Variants in HERC1 observed in about 807,000 individuals in gnomAD.
The protein encoded by HERC1 is HECT and RLD domain containing E3 ubiquitin protein ligase family member 1.
HERC1 carries 160 observed loss-of-function variants against 554.3 expected under a neutral mutation model. That is an observed-to-expected ratio of 0.29 (90% CI 0.25 to 0.33). The LOEUF (loss-of-function observed/expected upper bound fraction) is 0.33. HERC1 is among the 10% of genes least tolerant of loss of function. The probability of loss-of-function intolerance (pLI) is 1.00; values close to 1 mark genes in which losing one functional copy is unlikely to be tolerated. For synonymous variants in HERC1, 2,175 were observed against 2,131.7 expected (o/e 1.02, Z -0.56); for missense variants, 4,919 against 5,918.5 (o/e 0.83, Z 5.54).
chr15:63,626,142 G>T lies in HERC1; in HGVS notation c.13118C>A (p.Pro4373His). The change falls in exon 71 of 78, where the codon CCT (proline) becomes CAT (histidine). Residue 4373 changes from proline to histidine, a missense_variant. Pro to His is a moderately conservative substitution (Grantham distance 77). Transcript: ENST00000443617. ...VPPRAPGVSVPLQLGLPDTVP... is the reference protein window; with the variant it reads ...VPPRAPGVSVHLQLGLPDTVP... ...TGTGTCAGGCAGGCCCAGCTGCAGAGGTACTGACACACCTGTCCAGAAAGC... is the reference window on the plus strand; with the variant it reads ...TGTGTCAGGCAGGCCCAGCTGCAGATGTACTGACACACCTGTCCAGAAAGC... 1 of 1,612,866 alleles carries T rather than the reference G, an allele frequency of 6.2e-7. No homozygotes were observed. The highest frequency in any genetic ancestry group is 8.5e-7 in the Non-Finnish European group (1 of 1,179,608).
At chr15:63,742,427 C>G (rs934304720) in intron 12 of HERC1, among the ~76,000 whole-genome samples, 13 of 152,118 alleles carry the variant, frequency 8.5e-5, no homozygotes, top group Non-Finnish European at 1.6e-4. Flanking sequence ...ATCATGTCAT[C>G]CGCAAACAGA....
At chr15:63,731,193 CT>C (rs1401529655) in intron 14 of HERC1, among the ~76,000 whole-genome samples, 6 of 152,248 alleles carry the variant, frequency 3.9e-5, no homozygotes, top group African/African-American at 7.2e-5. Context: ...TTATTTCCAA[CT>C]TTTTTTCCTG....
intron 38 of HERC1, 80 bp from the exon 39 acceptor site, chr15:63,672,774 C>G: frequency 1.1e-6 from 1 of 899,566 alleles, no homozygotes; most frequent in Non-Finnish European, 1.7e-6. Flanking sequence ...AAACTTCTAC[C>G]TGTTTAATTT....
chr15:63,633,745 AC>A, intron 67 of HERC1, 102 bp downstream of exon 67: 3 of 1,242,114 alleles, frequency 2.4e-6, no homozygotes, highest in Non-Finnish European at 3.3e-6. Context: ...ATTATGAACT[AC>A]CAAAAGTACT....
At chr15:63,735,580 G>A (rs777393433) in intron 12 of HERC1, among the ~76,000 whole-genome samples, 1 of 151,932 alleles carries the variant, frequency 6.6e-6, no homozygotes, top group African/African-American at 2.4e-5. Flanking sequence ...GTAGGACCTG[G>A]CTAGACAAAG....
intron 71 of HERC1, among the ~76,000 whole-genome samples, chr15:63,625,693 C>CAAA (rs536157824): frequency 5.4e-5 from 6 of 111,832 alleles, no homozygotes; most frequent in Admixed American, 9.5e-5. Context: ...GACTCCATCT[C>CAAA]AAAAAAAAAA....
rs1420309891 is a variant in HERC1 at position 63,661,843 on chromosome 15, C to T, written c.9080G>A (p.Gly3027Glu). Residue 3027 changes from glycine (G) to glutamate (E), a missense_variant, in exon 45 of 78, where the codon GGG becomes GAG. Gly to Glu is a moderately conservative substitution (Grantham distance 98). This residue lies in a region of HERC1 where 1,963 missense variants were observed against 2,228.6 expected (regional missense o/e 0.88). Transcript: ENST00000443617. ...YVDGWFGGEC[G>E]SGNPYYLLCG... ...TAACAGGTAGTACGGATTTCCACTC[C>T]CACATTCACCGCCAAACCAGCCATC... 6.2e-7 allele frequency: 1 copy of T among 1,613,870 alleles called. No individual in the cohort carries two copies. The highest frequency in any genetic ancestry group is 8.5e-7 in the Non-Finnish European group (1 of 1,179,880).
intron 1 of HERC1, among the ~76,000 whole-genome samples, chr15:63,805,762 T>C (rs2077118393): frequency 6.6e-6 from 1 of 152,024 alleles, no homozygotes; most frequent in African/African-American, 2.4e-5. Flanking sequence ...CCCTGGGCAA[T>C]ACAGGGAGAC....
chr15:63,753,062 T>G lies in HERC1; in HGVS notation c.1798A>C (p.Asn600His), dbSNP rs1162198056. 6.2e-7 allele frequency: 1 copy of G among 1,608,774 alleles called. No homozygotes were observed. Among genetic ancestry groups the G allele is most frequent in the Non-Finnish European group, 8.5e-7 (1 of 1,177,496 alleles). The stretch of plus-strand genomic sequence containing the variant: ...ATAACTTTAGGTTTATACACTCTGT[T>G]GGTATCACCATGACCAAGTTTACCT... ...DNGKLGHGDT[N>H]RVYKPKVIEA... Residue 600 changes from asparagine (N) to histidine (H), a missense_variant, in exon 8 of 78, where the codon AAC becomes CAC. Transcript: ENST00000443617.
At chr15:63,651,157 A>C in intron 53 of HERC1, 96 bp downstream of exon 53, 1 of 1,104,858 alleles carries the variant, frequency 9.1e-7, no homozygotes, top group Middle Eastern at 2.2e-4. Flanking sequence ...TGTGAATTTC[A>C]AGGTGAAGAG....
intron 19 of HERC1, among the ~76,000 whole-genome samples, chr15:63,721,310 G>A (rs1473402716): frequency 6.6e-6 from 1 of 152,128 alleles, no homozygotes; most frequent in African/African-American, 2.4e-5. Flanking sequence ...GATCACCTGA[G>A]GTCACGAGTT....
chr15:63,637,448 A>G, intron 64 of HERC1, 57 bp downstream of exon 64: 1 of 1,452,640 alleles, frequency 6.9e-7, no homozygotes. Context: ...GGTTTGTACG[A>G]CCAAACCTAC....
intron 1 of HERC1, among the ~76,000 whole-genome samples, chr15:63,785,696 G>C (rs1480357307): frequency 6.6e-6 from 1 of 151,984 alleles, no homozygotes; most frequent in African/African-American, 2.4e-5. Context: ...TTGCGCTCAG[G>C]AGGTCAAGGC....
chr15:63,785,331 G>A (rs190161676), intron 1 of HERC1, among the ~76,000 whole-genome samples: 1 of 152,234 alleles, frequency 6.6e-6, no homozygotes, highest in East Asian at 1.9e-4. Context: ...TTGGGTGGGA[G>A]GATCGCTTGA....
chr15:63,618,483 C>T (rs921680596), intron 74 of HERC1, among the ~76,000 whole-genome samples: 16 of 148,808 alleles, frequency 1.1e-4, no homozygotes, highest in African/African-American at 3.0e-4. Context: ...CTTGGCAATG[C>T]GGGCTCTTTT....
chr15:63,775,012 T>C lies in HERC1; in HGVS notation c.612A>G (p.Pro204=), dbSNP rs777882855. ...TGCTTTCATTTGCTAATGATAATGG[T>C]GGCAAAGAGCTCACAACTTCAATTG... ...HTAIEVVSSL[P]PLSLANESKI... is the part of the protein sequence containing the mutation. The change falls in exon 2 of 78, where the codon CCA becomes CCG. Residue 204 remains proline, a synonymous_variant. Transcript: ENST00000443617. This position sits in a 1 kb window ranked among gnomAD's most constrained non-coding sequence, Gnocchi z 4.0. The C allele has an allele frequency of 1.2e-6, 2 of 1,614,006 alleles. No homozygotes were observed. The highest frequency in any genetic ancestry group is 8.5e-7 in the Non-Finnish European group (1 of 1,179,864).
chr15:63,729,400 T>C lies in HERC1; in HGVS notation c.3022-32A>G. On this transcript the variant is annotated intron_variant, in intron 15 of 77. Transcript: ENST00000443617. The stretch of plus-strand genomic sequence containing the variant: ...AGAAAAAAAGTTCCTAAATTACTAC[T>C]TTGAAAGATTCAAGGTGTAAAAATA... The C allele has an allele frequency of 1.9e-6, 3 of 1,593,066 alleles. No individual in the cohort carries two copies. In the Admixed American group the frequency reaches 5.4e-5, roughly 29 times the overall value.
At chr15:63,753,432 T>C (rs1341395181) in intron 7 of HERC1, among the ~76,000 whole-genome samples, 1 of 152,194 alleles carries the variant, frequency 6.6e-6, no homozygotes, top group Non-Finnish European at 1.5e-5. Context: ...TATATGCGTA[T>C]AATTTTTCAT....
In HERC1 at chr15:63,804,856, G is replaced by A. The variant is rs975149866; in HGVS notation, c.-27+28971C>T. Among the ~76,000 whole-genome samples, 3 of 152,168 alleles carry A rather than the reference G, an allele frequency of 2.0e-5. 1 individual carries two copies. Among genetic ancestry groups the A allele is most frequent in the Admixed American group, 1.3e-4 (2 of 15,274 alleles). The stretch of plus-strand genomic sequence containing the variant: ...AAAGGATGTTCAACACCATTAGTCA[G>A]TAGGGAAATGGAAATTGAAACCACA... On this transcript the variant is annotated intron_variant, in intron 1 of 77. Coordinates refer to ENST00000443617, the MANE Select transcript of HERC1 (RefSeq NM_003922.4).
Sources: allele counts gnomAD v4.1 joint callset (sites outside exome capture counted in the v4.1 genomes callset), GRCh38; gene constraint gnomAD v4.1.1; regional missense constraint gnomAD v4.1.1; non-coding constraint Gnocchi (gnomAD v3.1); transcripts MANE v1.5; gene names NCBI Gene and HGNC (gene_info 2026-07-23, HGNC 2026-07-21).